LRRTM4: variants seen among roughly 807,000 people sequenced by gnomAD.
The protein encoded by LRRTM4 is leucine-rich repeat transmembrane neuronal protein 4.
LRRTM4 carries 25 observed loss-of-function variants against 47.6 expected under a neutral mutation model. That is an observed-to-expected ratio of 0.53 (90% CI 0.38 to 0.73). The LOEUF is 0.73. Ranked by LOEUF, LRRTM4 falls within the 30% of genes least tolerant of loss-of-function variation. The pLI is 0.00. For synonymous variants in LRRTM4, 311 were observed against 269.5 expected (o/e 1.15, Z -1.51); for missense variants, 638 against 713.4 (o/e 0.89, Z 1.20).
At chr2:77,240,874 A>T (rs1379108791) in intron 3 of LRRTM4, among the ~76,000 whole-genome samples, 1 of 152,014 alleles carries the variant, frequency 6.6e-6, no homozygotes, top group Non-Finnish European at 1.5e-5. Flanking sequence ...CTGTATGCTG[A>T]ATAATAAAAA....
chr2:77,512,082 C>A (rs1348503568), intron 3 of LRRTM4, among the ~76,000 whole-genome samples: 1 of 152,130 alleles, frequency 6.6e-6, no homozygotes, highest in Non-Finnish European at 1.5e-5. Flanking sequence ...GTTAGCCTCA[C>A]AAGTAGCTGG....
intron 3 of LRRTM4, among the ~76,000 whole-genome samples, chr2:77,128,910 G>A (rs1671724845): frequency 6.6e-6 from 1 of 152,260 alleles, no homozygotes; most frequent in African/African-American, 2.4e-5. Context: ...AAAGTGATGG[G>A]ATTATAGGCA....
At chr2:76,946,293 C>T (rs955171991) in intron 3 of LRRTM4, among the ~76,000 whole-genome samples, 4 of 151,830 alleles carry the variant, frequency 2.6e-5, no homozygotes, top group South Asian at 2.1e-4. Flanking sequence ...GTATTGTCAG[C>T]GTTTGTTCAG....
At position 77,159,760 on chromosome 2, in the gene LRRTM4, T is replaced by C. The variant is rs536772603; in HGVS notation, c.1551+358558A>G. Among the ~76,000 whole-genome samples the C allele has an allele frequency of 9.1e-4, 139 of 152,168 alleles. 1 individual carries two copies. The highest frequency in any genetic ancestry group is 2.9e-3 in the African/African-American group (120 of 41,524). On this transcript the variant is annotated intron_variant, in intron 3 of 3. Coordinates refer to ENST00000409884, the MANE Select transcript of LRRTM4 (RefSeq NM_001134745.3). ...AAGCAGGCACACTTAGGGAACTCTA[T>C]GGAAGTACATCATGATTTCTGTATG...
chr2:77,242,845 T>A (rs552717917), intron 3 of LRRTM4, among the ~76,000 whole-genome samples: 1 of 152,172 alleles, frequency 6.6e-6, no homozygotes, highest in African/African-American at 2.4e-5. Flanking sequence ...AGAATTACCC[T>A]ATAATCCAAG....
At chr2:76,781,126 G>A (rs1389414729) in intron 3 of LRRTM4, among the ~76,000 whole-genome samples, 1 of 152,252 alleles carries the variant, frequency 6.6e-6, no homozygotes, top group Non-Finnish European at 1.5e-5. Context: ...ATCTCCAGCT[G>A]CATGCTGGGA....
At chr2:77,080,849 C>G (rs1004301937) in intron 3 of LRRTM4, among the ~76,000 whole-genome samples, 2 of 152,118 alleles carry the variant, frequency 1.3e-5, no homozygotes, top group African/African-American at 2.4e-5. Flanking sequence ...GTTATTTCTC[C>G]TTTACTATTA....
At chr2:77,073,301 T>C (rs1484838959) in intron 3 of LRRTM4, among the ~76,000 whole-genome samples, 1 of 152,144 alleles carries the variant, frequency 6.6e-6, no homozygotes, top group Non-Finnish European at 1.5e-5. Flanking sequence ...CATATACTTA[T>C]TGGAAAAAAT....
At chr2:76,827,432 C>T (rs56870483) in intron 3 of LRRTM4, among the ~76,000 whole-genome samples, 11,759 of 151,654 alleles carry the variant, frequency 0.078, 783 homozygotes, top group East Asian at 0.2. Flanking sequence ...GCGTTTGAGT[C>T]CCCCTTAAAA....
intron 3 of LRRTM4, among the ~76,000 whole-genome samples, chr2:77,171,783 T>C (rs547481884): frequency 1.3e-5 from 2 of 152,224 alleles, no homozygotes; most frequent in East Asian, 3.9e-4. Flanking sequence ...ATAAATATTT[T>C]TATAAAAGAA....
At chr2:77,069,841 C>T (rs933575350) in intron 3 of LRRTM4, among the ~76,000 whole-genome samples, 9 of 152,124 alleles carry the variant, frequency 5.9e-5, no homozygotes, top group South Asian at 4.1e-4. Context: ...TTATCATTTT[C>T]GCATTTTAGT....
intron 3 of LRRTM4, among the ~76,000 whole-genome samples, chr2:76,797,685 G>A (rs990843127): frequency 6.6e-6 from 1 of 151,448 alleles, no homozygotes; most frequent in African/African-American, 2.4e-5. Flanking sequence ...TGGATAAAGA[G>A]TCAAGACCCA....
chr2:77,246,583 A>C (rs911564763), intron 3 of LRRTM4, among the ~76,000 whole-genome samples: 1 of 152,138 alleles, frequency 6.6e-6, no homozygotes, highest in African/African-American at 2.4e-5. Context: ...ACAGATACAG[A>C]ACATTTGCAT....
chr2:77,224,249 T>TA (rs1349434919), intron 3 of LRRTM4, among the ~76,000 whole-genome samples: 3 of 151,838 alleles, frequency 2.0e-5, no homozygotes, highest in African/African-American at 7.3e-5. Context: ...CCTAAAACCA[T>TA]AAAAACCCTA....
chr2:76,988,321 T>C (rs1413235939), intron 3 of LRRTM4, among the ~76,000 whole-genome samples: 1 of 151,848 alleles, frequency 6.6e-6, no homozygotes, highest in East Asian at 1.9e-4. Context: ...ATGTCCGTGG[T>C]AGGCCAGCAA....
rs967654573 is a variant in LRRTM4, at chr2:77,072,086, A to G, written c.1552-323170T>C. Among the ~76,000 whole-genome samples the G allele has an allele frequency of 3.3e-5, 5 of 152,272 alleles. No homozygotes were observed. The East Asian group carries it at 9.6e-4, about 29-fold the overall frequency. ...ATATACATTATTAATACATTTTTAT[A>G]TATACATTAAAATAAAATTTATCTG... On this transcript the variant is annotated intron_variant, in intron 3 of 3. Transcript: ENST00000409884.
chr2:77,118,507 A>G (rs1159917048), intron 3 of LRRTM4, among the ~76,000 whole-genome samples: 1 of 151,924 alleles, frequency 6.6e-6, no homozygotes, highest in Non-Finnish European at 1.5e-5. Context: ...AGATCTTCCA[A>G]TGATGGATGG....
At chr2:77,372,894 C>T (rs904414556) in intron 3 of LRRTM4, among the ~76,000 whole-genome samples, 1 of 150,510 alleles carries the variant, frequency 6.6e-6, no homozygotes, top group East Asian at 2.0e-4. Flanking sequence ...TGTAATAGAA[C>T]AGCTGGTCAG....
At chr2:76,983,826 C>A (rs904655185) in intron 3 of LRRTM4, among the ~76,000 whole-genome samples, 1 of 151,936 alleles carries the variant, frequency 6.6e-6, no homozygotes, top group Admixed American at 6.6e-5. Flanking sequence ...TTTTAAAATT[C>A]ATTTGCCTTC....
Sources: gnomAD v4.1 joint callset for allele counts (sites outside exome capture counted in the v4.1 genomes callset) on GRCh38, gnomAD v4.1.1 for gene constraint, MANE v1.5 for transcripts, NCBI Gene and HGNC (gene_info 2026-07-23, HGNC 2026-07-21) for gene names.